TNC: variants seen among roughly 807,000 people sequenced by gnomAD.
TNC encodes tenascin C.
TNC carries 109 observed loss-of-function variants against 202.4 expected under a neutral mutation model. The observed-to-expected ratio is 0.54, with a 90% CI of 0.46 to 0.63. The LOEUF (loss-of-function observed/expected upper bound fraction) is 0.63. Among genes scored for constraint, TNC ranks in the 30% least tolerant of loss-of-function variants. The probability of loss-of-function intolerance (pLI) is 0.00; values close to 1 mark genes in which losing one functional copy is unlikely to be tolerated. For synonymous variants in TNC, 1,007 were observed against 1,089.7 expected (o/e 0.92, Z 1.50); for missense variants, 2,756 against 2,833.3 (o/e 0.97, Z 0.62).
chr9:115,104,661 G>A (rs1279479429), intron 1 of TNC, among the ~76,000 whole-genome samples: 3 of 152,126 alleles, frequency 2.0e-5, no homozygotes, highest in Non-Finnish European at 4.4e-5. Flanking sequence ...AATAATAAAC[G>A]TTACACATAT....
At chr9:115,025,973 G>T (rs1829446615) in intron 26 of TNC, among the ~76,000 whole-genome samples, 1 of 152,206 alleles carries the variant, frequency 6.6e-6, no homozygotes, top group Admixed American at 6.5e-5. Context: ...ACATGGCAGG[G>T]ATGTCTTGGA....
chr9:115,117,526 G>A (rs1023190626), intron 1 of TNC, among the ~76,000 whole-genome samples: 42 of 152,176 alleles, frequency 2.8e-4, no homozygotes, highest in African/African-American at 9.7e-4. Flanking sequence ...TGTAAGTGCT[G>A]TTTAGATATA....
intron 13 of TNC, 55 bp from the exon 14 acceptor site, chr9:115,060,057 C>A (rs1485109771): frequency 4.0e-6 from 6 of 1,505,210 alleles, no homozygotes; most frequent in Admixed American, 4.2e-5. Context: ...ATGAGGAAAC[C>A]AAACATCCCA....
intron 1 of TNC, among the ~76,000 whole-genome samples, chr9:115,093,633 T>TG (rs1157485368): frequency 6.6e-6 from 1 of 152,150 alleles, no homozygotes; most frequent in Non-Finnish European, 1.5e-5. Flanking sequence ...TTTTTTTTTT[T>TG]TTTTAGAAAG....
chr9:115,075,486 T>C lies in TNC; in HGVS notation c.2950+546A>G, dbSNP rs530876928. Among the ~76,000 whole-genome samples the C allele has an allele frequency of 1.3e-4, 20 of 151,812 alleles. No homozygotes were observed. In the South Asian group the frequency reaches 3.5e-3, roughly 27 times the overall value. The stretch of plus-strand genomic sequence containing the variant: ...AATTTCTTACAAAGCCTGGTTCCAA[T>C]TTTTCTTTAAAAAATCCCGGCTGGA... On this transcript the variant is annotated intron_variant, in intron 9 of 27. Transcript: ENST00000350763.
chr9:115,105,964 A>G (rs1184762080), intron 1 of TNC, among the ~76,000 whole-genome samples: 2 of 152,224 alleles, frequency 1.3e-5, no homozygotes, highest in East Asian at 3.9e-4. Context: ...AGTGAGTCAC[A>G]GGATTAGGTT....
rs1835163868 is a variant in TNC, at chr9:115,090,787, C to T, written c.232G>A (p.Ala78Thr). ...LESASGEKDLAPPSEPSESFQ... is the reference protein window; with the variant it reads ...LESASGEKDLTPPSEPSESFQ... ...CTTTCGCTGGGCTCTGAAGGCGGTG[C>T]CAGGTCTTTCTCCCCACTGGCTGAC... is the stretch of plus-strand genomic sequence containing the variant. The change falls in exon 2 of 28, where the codon GCA (alanine) becomes ACA (threonine). Residue 78 changes from alanine to threonine, a missense_variant. Coordinates refer to ENST00000350763, the MANE Select transcript of TNC (RefSeq NM_002160.4). 3 of 1,614,076 alleles carry T rather than the reference C, an allele frequency of 1.9e-6. No homozygotes were observed. The highest frequency in any genetic ancestry group is 1.1e-5 in the South Asian group (1 of 91,090).
chr9:115,114,627 G>A (rs1052915899), intron 1 of TNC, among the ~76,000 whole-genome samples: 15 of 152,148 alleles, frequency 9.9e-5, no homozygotes, highest in African/African-American at 2.7e-4. Context: ...ATGCCAGCTG[G>A]GGGCTTCTCC....
In TNC at chr9:115,041,043, T is replaced by A; in HGVS notation, c.5290A>T (p.Thr1764Ser). 2 of 1,614,112 alleles carry A rather than the reference T, an allele frequency of 1.2e-6. No homozygotes were observed. Among genetic ancestry groups the A allele is most frequent in the South Asian group, 2.2e-5 (2 of 91,078 alleles). Reference protein sequence around the residue: ...MVTVDGTKTQTRLVKLIPGVE... With the variant: ...MVTVDGTKTQSRLVKLIPGVE... ...CCAGGTATGAGTTTCACCAGCCTGG[T>A]CTGAGTCTTGGTTCCGTCCACAGTT... Residue 1764 changes from threonine to serine, a missense_variant, in exon 19 of 28, where the codon ACC (threonine) becomes TCC (serine). This residue lies in a region of TNC where 2,559 missense variants were observed against 2,546.0 expected (regional missense o/e 1.01). Coordinates refer to ENST00000350763, the MANE Select transcript of TNC (RefSeq NM_002160.4).
rs746469774 is a variant in TNC, at chr9:115,063,897, G to C, written c.3659C>G (p.Thr1220Arg). The change falls in exon 12 of 28, where the codon ACA (threonine) becomes AGA (arginine). Residue 1220 changes from threonine (T) to arginine (R), a missense_variant. This residue lies in a region of TNC where 2,559 missense variants were observed against 2,546.0 expected (regional missense o/e 1.01). Transcript: ENST00000350763. ...NLTVPGGLRS[T>R]DLPGLKAATH... ...GGCTGCTTTGAGCCCAGGCAGGTCT[G>C]TGGACCTCAGTCCTCCTGGGACGGT... 4.3e-5 allele frequency: 70 copies of C among 1,614,054 alleles called. No homozygotes were observed. The South Asian group carries it at 7.6e-4, about 17-fold the overall frequency.
rs867130546 is a variant in TNC, at chr9:115,078,105, C to G, written c.2512G>C (p.Gly838Arg). The change falls in exon 7 of 28, where the codon GGC becomes CGC. Residue 838 changes from glycine to arginine, a missense_variant. By Grantham distance (125) the Gly-to-Arg change is moderately radical. Coordinates refer to ENST00000350763, the MANE Select transcript of TNC (RefSeq NM_002160.4). ...AEIDGIELTY[G>R]IKDVPGDRTT... ...CGGTCTCCTGGCACGTCTTTGATGC[C>G]GTAGGTCAGCTCAATGCCATCGATC... The G allele has an allele frequency of 5.0e-6, 8 of 1,614,176 alleles. No homozygotes were observed. The South Asian group carries it at 8.8e-5, about 18-fold the overall frequency.
At chr9:115,074,010 C>T in intron 9 of TNC, 144 bp from the exon 10 acceptor site, 1 of 785,170 alleles carries the variant, frequency 1.3e-6, no homozygotes, top group Non-Finnish European at 2.0e-6. Flanking sequence ...ATCTCTGGGT[C>T]TCTCTTTTTA....
intron 25 of TNC, among the ~76,000 whole-genome samples, chr9:115,027,932 G>C (rs544915303): frequency 3.5e-4 from 54 of 152,200 alleles, no homozygotes; most frequent in Non-Finnish European, 7.2e-4. Context: ...CCATCAAGTA[G>C]GACTCGGAGA....
chr9:115,084,171 A>G lies in TNC; in HGVS notation c.2131+38T>C, dbSNP rs1755639. On this transcript the variant is annotated intron_variant, in intron 4 of 27. Coordinates refer to ENST00000350763, the MANE Select transcript of TNC (RefSeq NM_002160.4). The stretch of plus-strand genomic sequence containing the variant: ...AGGGTTATACACTGGGTGGGCTGAC[A>G]TCAGGTGAGGCTGCCCAAAAGAGTT... 0.54 allele frequency: 864,776 copies of G among 1,597,786 alleles called. 235,953 individuals are homozygous for G. Among genetic ancestry groups the G allele is most frequent in the Admixed American group, 0.66 (38,856 of 59,262 alleles).
intron 4 of TNC, among the ~76,000 whole-genome samples, chr9:115,083,792 AC>A (rs1254099106): frequency 6.6e-6 from 1 of 152,074 alleles, no homozygotes; most frequent in Non-Finnish European, 1.5e-5. Context: ...TTTAGTAGAG[AC>A]AGGGTTTCGC....
chr9:115,019,706 G>C lies in TNC; in HGVS notation c.*1451C>G, dbSNP rs1284348211. ...ATGTACTAGCACTTAATATACACCG[G>C]GTACCATTCTAAGGGCCTCAAATGG... On this transcript the variant is annotated 3_prime_UTR_variant, in exon 28 of 28. Transcript: ENST00000350763. 3 of 152,088 alleles carry C rather than the reference G, an allele frequency of 2.0e-5. No individual in the cohort carries two copies. The highest frequency in any genetic ancestry group is 7.2e-5 in the African/African-American group (3 of 41,396). 9.4% of individuals were successfully genotyped at this position (152,088 alleles called of 1,614,324 possible). A position where few individuals can be genotyped will look rare whatever the true frequency, so the allele number is the denominator to read the frequency against.
chr9:115,074,576 G>A, intron 9 of TNC, among the ~76,000 whole-genome samples: 1 of 152,242 alleles, frequency 6.6e-6, no homozygotes, highest in Non-Finnish European at 1.5e-5. Flanking sequence ...GGACTAATAT[G>A]TGTAGGATCC....
rs1279632412 is a variant in TNC, at chr9:115,019,627, G to A, written c.*1530C>T. Reference sequence around the variant, plus strand: ...AGTAGTAGCCACAATCAAGTCATTGGGTTTCTATGAACCCCAGTCCATCTC... The same window carrying A: ...AGTAGTAGCCACAATCAAGTCATTGAGTTTCTATGAACCCCAGTCCATCTC... On this transcript the variant is annotated 3_prime_UTR_variant, in exon 28 of 28. Coordinates refer to ENST00000350763, the MANE Select transcript of TNC (RefSeq NM_002160.4). The A allele has an allele frequency of 2.6e-5, 4 of 152,132 alleles. No homozygotes were observed. Among genetic ancestry groups the A allele is most frequent in the Non-Finnish European group, 5.9e-5 (4 of 68,012 alleles). The allele number at this position is 152,132 out of a possible 1,614,324, so 9.4% of individuals were successfully genotyped here.
chr9:115,033,031 C>T (rs1830064594), intron 22 of TNC, among the ~76,000 whole-genome samples: 1 of 152,186 alleles, frequency 6.6e-6, no homozygotes, highest in African/African-American at 2.4e-5. Flanking sequence ...AGTGCAGAAG[C>T]CCCTGGAAGG....
Sources: gnomAD v4.1 joint callset for allele counts (sites outside exome capture counted in the v4.1 genomes callset) on GRCh38, gnomAD v4.1.1 for gene constraint, gnomAD v4.1.1 regional missense constraint, MANE v1.5 for transcripts, NCBI Gene and HGNC (gene_info 2026-07-23, HGNC 2026-07-21) for gene names.